Variants in RBFOX3 observed in about 807,000 individuals in gnomAD.
RBFOX3 encodes RNA binding protein fox-1 homolog 3.
RBFOX3 carries 17 observed loss-of-function variants against 48.7 expected under a neutral mutation model. The observed-to-expected ratio is 0.35, with a 90% CI of 0.24 to 0.52. The LOEUF (loss-of-function observed/expected upper bound fraction) is 0.52. RBFOX3 is among the 20% of genes least tolerant of loss of function. RBFOX3 has a pLI of 0.94. For synonymous variants in RBFOX3, 212 were observed against 209.5 expected, an observed-to-expected ratio of 1.01 and a Z score of -0.10; for missense variants, 382 against 497.5, an observed-to-expected ratio of 0.77 and a Z score of 2.21.
chr17:79,159,538 T>G (rs2046519526), intron 4 of RBFOX3, among the ~76,000 whole-genome samples: 1 of 152,132 alleles, frequency 6.6e-6, no homozygotes, highest in Admixed American at 6.5e-5. Flanking sequence ...TCTCCCTTCA[T>G]TCTCAAGCAA....
chr17:79,105,445 T>C (rs1182505603), intron 6 of RBFOX3, among the ~76,000 whole-genome samples: 2 of 152,248 alleles, frequency 1.3e-5, no homozygotes, highest in East Asian at 3.9e-4. Flanking sequence ...TCAGCTGCTA[T>C]TAAGGGGCAG....
chr17:79,403,352 G>A (rs1385358899), intron 2 of RBFOX3, among the ~76,000 whole-genome samples: 3 of 152,242 alleles, frequency 2.0e-5, no homozygotes, highest in Non-Finnish European at 4.4e-5. Context: ...CCTGAGGTCA[G>A]GGATCTGTGC....
intron 2 of RBFOX3, among the ~76,000 whole-genome samples, chr17:79,457,821 C>T (rs187566555): frequency 6.6e-5 from 10 of 152,336 alleles, no homozygotes; most frequent in South Asian, 2.1e-4. Context: ...GGAAACGGAA[C>T]GTGACCTCTA....
At chr17:79,417,304 G>A (rs1379569084) in intron 2 of RBFOX3, among the ~76,000 whole-genome samples, 1 of 152,174 alleles carries the variant, frequency 6.6e-6, no homozygotes, top group Non-Finnish European at 1.5e-5. Context: ...CCTGCTCAGG[G>A]GTGCCTCAGC....
At chr17:79,181,310 C>G (rs2051879262) in intron 4 of RBFOX3, among the ~76,000 whole-genome samples, 1 of 152,232 alleles carries the variant, frequency 6.6e-6, no homozygotes, top group African/African-American at 2.4e-5. Flanking sequence ...TCCTGCCATG[C>G]CTGGGTGGCT....
intron 4 of RBFOX3, among the ~76,000 whole-genome samples, chr17:79,194,988 A>G (rs977870526): frequency 1.3e-5 from 2 of 151,956 alleles, no homozygotes; most frequent in Non-Finnish European, 2.9e-5. Flanking sequence ...TTATGCTTCT[A>G]TTGGGCAGCT....
chr17:79,092,836 G>C (rs979570775), intron 14 of RBFOX3, among the ~76,000 whole-genome samples: 2 of 152,228 alleles, frequency 1.3e-5, no homozygotes, highest in Non-Finnish European at 2.9e-5. Context: ...CTGACATAGT[G>C]GTCTTGGGCC....
chr17:79,624,022 C>T, the RBFOX3 span, among the ~76,000 whole-genome samples: 1 of 152,120 alleles, frequency 6.6e-6, no homozygotes, highest in African/African-American at 2.4e-5. Context: ...CAGACCGCAC[C>T]TTTGACACTC....
chr17:79,481,681 G>A lies in RBFOX3; in HGVS notation c.-175+773C>T, dbSNP rs900532529. Among the ~76,000 whole-genome samples the A allele has an allele frequency of 1.6e-4, 24 of 152,272 alleles. No homozygotes were observed. Among genetic ancestry groups the A allele is most frequent in the African/African-American group, 5.3e-4 (22 of 41,552 alleles). ...AACTTGTGGGTGAACCAGCAGGGTG[G>A]TGCATCCTAACACCATGGGGAATGG... On this transcript the variant is annotated intron_variant, in intron 2 of 14. Transcript: ENST00000693108. The surrounding 1 kb of genome is among the most constrained non-coding windows in gnomAD (Gnocchi z 5.4).
At chr17:79,271,562 C>T (rs2067709861) in intron 3 of RBFOX3, among the ~76,000 whole-genome samples, 1 of 152,196 alleles carries the variant, frequency 6.6e-6, no homozygotes, top group African/African-American at 2.4e-5. Flanking sequence ...TGCTGGAGCC[C>T]TCTCTCTGAG....
At chr17:79,110,747 C>T (rs1045996264) in intron 5 of RBFOX3, among the ~76,000 whole-genome samples, 15 of 146,534 alleles carry the variant, frequency 1.0e-4, no homozygotes, top group South Asian at 2.1e-4. Flanking sequence ...TTGGCTCCCA[C>T]GTGGCATTTG....
Position 79,396,550 on chromosome 17 carries a change from CT to C in RBFOX3, c.-175+85903del, listed in dbSNP as rs376459320. 5.7e-3 allele frequency among the ~76,000 whole-genome samples: 862 copies of C among 152,142 alleles called. 8 individuals are homozygous for C. The highest frequency in any genetic ancestry group is 0.02 in the African/African-American group (811 of 41,414). On this transcript the variant is annotated intron_variant, in intron 2 of 14. Transcript: ENST00000693108. ...AATGCAAATTTTATTCTGACTCCCC[CT>C]GAGACCCCCTCCCCAGCCCTATGCC...
chr17:79,103,955 G>GT lies in RBFOX3; in HGVS notation c.414+117dup, dbSNP rs1388249126. On this transcript the variant is annotated intron_variant, in intron 7 of 14. Coordinates refer to ENST00000693108, the MANE Select transcript of RBFOX3 (RefSeq NM_001350451.2). This position sits in a 1 kb window ranked among gnomAD's most constrained non-coding sequence, Gnocchi z 6.1. ...GGAAGAGCGGGGAATACAAGCACCC[G>GT]TGTCGCTCAGGGGTCCTCGGGCGCG... 7.4e-6 allele frequency: 6 copies of GT among 812,442 alleles called. No individual in the cohort carries two copies. The highest frequency in any genetic ancestry group is 1.7e-5 in the African/African-American group (1 of 58,770). 50.3% of individuals were successfully genotyped at this position (812,442 alleles called of 1,614,324 possible).
chr17:79,516,308 T>A (rs899521692), intron 1 of RBFOX3, among the ~76,000 whole-genome samples: 2 of 152,212 alleles, frequency 1.3e-5, no homozygotes, highest in Non-Finnish European at 2.9e-5. Context: ...ATGAGTTCTA[T>A]GAAATGCCCA....
intron 1 of RBFOX3, among the ~76,000 whole-genome samples, chr17:79,557,504 T>C (rs1333535160): frequency 6.6e-6 from 1 of 152,060 alleles, no homozygotes; most frequent in Non-Finnish European, 1.5e-5. Context: ...AGAGACCACG[T>C]CTGGGGCCGT....
chr17:79,452,947 C>T (rs1555742626), intron 2 of RBFOX3, among the ~76,000 whole-genome samples: 2 of 152,222 alleles, frequency 1.3e-5, no homozygotes, highest in African/African-American at 2.4e-5. Context: ...ACCTGGACCA[C>T]GTCTCCCCTC....
chr17:79,123,173 ATAACT>A (rs1450339950), intron 4 of RBFOX3, among the ~76,000 whole-genome samples: 1 of 152,210 alleles, frequency 6.6e-6, no homozygotes, highest in East Asian at 1.9e-4. Context: ...ATAGTCAATA[ATAACT>A]TAATTGTACA....
At chr17:79,492,274 G>A (rs2080794254) in intron 1 of RBFOX3, among the ~76,000 whole-genome samples, 1 of 152,174 alleles carries the variant, frequency 6.6e-6, no homozygotes, top group Non-Finnish European at 1.5e-5. Flanking sequence ...GACAGCCCCT[G>A]TGTCTTCACC....
At position 79,115,487 on chromosome 17, in the gene RBFOX3, C is replaced by A; in HGVS notation, c.222+7G>T. On this transcript the variant is annotated splice_region_variant and intron_variant, in intron 5 of 14. Coordinates refer to ENST00000693108, the MANE Select transcript of RBFOX3 (RefSeq NM_001350451.2). ...AGGGCTGGGCCTGGGGTCGTGGGGG[C>A]CCTTACCGGCACTGTCTGGGTCCCG... 7.6e-7 allele frequency: 1 copy of A among 1,319,484 alleles called. No homozygotes were observed. The allele number at this position is 1,319,484 out of a possible 1,614,324, so 81.7% of individuals were successfully genotyped here. A position where few individuals can be genotyped will look rare whatever the true frequency, so the allele number is the denominator to read the frequency against.
Sources: allele counts gnomAD v4.1 joint callset (sites outside exome capture counted in the v4.1 genomes callset), GRCh38; gene constraint gnomAD v4.1.1; non-coding constraint Gnocchi (gnomAD v3.1); transcripts MANE v1.5; gene names NCBI Gene and HGNC (gene_info 2026-07-23, HGNC 2026-07-21).